The following TAF1B variants were observed in gnomAD, a reference collection of about 807,000 sequenced individuals.
TAF1B encodes TATA box-binding protein-associated factor RNA polymerase I subunit B.
In TAF1B, 61 loss-of-function variants were observed where a neutral mutation model predicts 83.9. That is an observed-to-expected ratio of 0.73 (90% CI 0.59 to 0.90). The LOEUF (loss-of-function observed/expected upper bound fraction) is 0.90, where lower values mean the gene tolerates loss of function less well. Ranked by LOEUF, TAF1B falls within the 40% of genes least tolerant of loss-of-function variation. The pLI is 0.00. For missense variants in TAF1B, 625 were observed against 677.0 expected, an observed-to-expected ratio of 0.92 and a Z score of 0.85; for synonymous variants, 221 against 224.6, an observed-to-expected ratio of 0.98 and a Z score of 0.14.
At chr2:9,868,219 A>T in intron 5 of TAF1B, 57 bp from the exon 6 acceptor site, 1 of 1,582,518 alleles carries the variant, frequency 6.3e-7, no homozygotes, top group Non-Finnish European at 8.6e-7. Context: ...AAGTTCACAG[A>T]AATTAACTGT....
intron 3 of TAF1B, 85 bp from the exon 4 acceptor site, chr2:9,851,456 G>A (rs1190898536): frequency 1.3e-5 from 14 of 1,069,034 alleles, no homozygotes; most frequent in Non-Finnish European, 1.9e-5. Flanking sequence ...AAGTCGCAAT[G>A]TGTAAAACAC....
chr2:9,926,804 CAAAAA>C (rs71391175), intron 14 of TAF1B, among the ~76,000 whole-genome samples: 3 of 104,812 alleles, frequency 2.9e-5, no homozygotes, highest in Middle Eastern at 4.5e-3. Flanking sequence ...GACTCTGTCT[CAAAAA>C]AAAAAAAAAA....
intron 8 of TAF1B, among the ~76,000 whole-genome samples, chr2:9,897,423 C>T (rs1397635387): frequency 6.6e-6 from 1 of 152,198 alleles, no homozygotes; most frequent in Non-Finnish European, 1.5e-5. Context: ...TTCATCATCC[C>T]TCACTAGACG....
chr2:9,859,575 A>T (rs1489297266), intron 5 of TAF1B, among the ~76,000 whole-genome samples: 1 of 152,056 alleles, frequency 6.6e-6, no homozygotes, highest in South Asian at 2.1e-4. Flanking sequence ...TTTAATACAG[A>T]TGGGGTTTCA....
intron 14 of TAF1B, among the ~76,000 whole-genome samples, chr2:9,931,262 T>C (rs529144121): frequency 6.6e-6 from 1 of 152,368 alleles, no homozygotes; most frequent in African/African-American, 2.4e-5. Flanking sequence ...CTTCCTAGCC[T>C]TGATGGTCTT....
intron 5 of TAF1B, among the ~76,000 whole-genome samples, chr2:9,858,250 A>G (rs1162662378): frequency 1.3e-5 from 2 of 152,254 alleles, no homozygotes; most frequent in African/African-American, 2.4e-5. Context: ...CCAGCAGGGC[A>G]TTCACTAAAT....
intron 5 of TAF1B, among the ~76,000 whole-genome samples, chr2:9,861,151 T>A (rs368829354): frequency 6.6e-6 from 1 of 152,324 alleles, no homozygotes; most frequent in Non-Finnish European, 1.5e-5. Context: ...GGGCGAGGCA[T>A]CGCCTCACCC....
In TAF1B at chr2:9,849,450, A is replaced by T; in HGVS notation, c.195A>T (p.Lys65Asn). The T allele has an allele frequency of 6.4e-7, 1 of 1,563,658 alleles. No individual in the cohort carries two copies. The highest frequency in any genetic ancestry group is 8.6e-7 in the Non-Finnish European group (1 of 1,158,254). ...IKALNRGLKK[K>N]NNTEKGWDWY... The stretch of plus-strand genomic sequence containing the variant: ...CCCTCAACCGGGGGCTTAAAAAAAA[A>T]AACAATACTGGTAAGTTCTTTCTTC... The change falls in exon 3 of 15, where the codon AAA becomes AAT. Residue 65 changes from lysine (K) to asparagine (N), a missense_variant. By Grantham distance (94) the Lys-to-Asn change is moderately conservative. Transcript: ENST00000263663.
chr2:9,930,205 T>C (rs1317674523), intron 14 of TAF1B, among the ~76,000 whole-genome samples: 1 of 152,200 alleles, frequency 6.6e-6, no homozygotes, highest in African/African-American at 2.4e-5. Flanking sequence ...TAGTTATGTC[T>C]TGCCTTCTGC....
intron 8 of TAF1B, among the ~76,000 whole-genome samples, chr2:9,890,674 A>T (rs1432170536): frequency 6.6e-6 from 1 of 152,168 alleles, no homozygotes; most frequent in Non-Finnish European, 1.5e-5. Context: ...TGATATTTTG[A>T]GATATGTTTA....
intron 1 of TAF1B, 57 bp downstream of exon 1, chr2:9,843,616 C>T: frequency 6.9e-7 from 1 of 1,444,158 alleles, no homozygotes; most frequent in Non-Finnish European, 9.1e-7. Flanking sequence ...GAGAGAGAAG[C>T]TGAGGAGGAG....
intron 1 of TAF1B, chr2:9,843,814 T>C: frequency 2.3e-6 from 1 of 436,752 alleles, no homozygotes; most frequent in Non-Finnish European, 4.1e-6. Context: ...TCGTTATGGG[T>C]GTGTTTAAGG....
intron 5 of TAF1B, 121 bp downstream of exon 5, chr2:9,854,542 T>A: frequency 2.9e-6 from 2 of 690,472 alleles, no homozygotes; most frequent in Non-Finnish European, 5.0e-6. Flanking sequence ...GATTTTCAGT[T>A]AAGAGGCTTC....
At chr2:9,883,284 TTGATTA>T (rs1351773504) in intron 8 of TAF1B, among the ~76,000 whole-genome samples, 5 of 152,212 alleles carry the variant, frequency 3.3e-5, no homozygotes, top group African/African-American at 1.2e-4. Flanking sequence ...TTTCTGTCCT[TTGATTA>T]TGAGTTTGTG....
At chr2:9,876,820 A>G (rs1664334132) in intron 7 of TAF1B, among the ~76,000 whole-genome samples, 1 of 152,156 alleles carries the variant, frequency 6.6e-6, no homozygotes, top group Non-Finnish European at 1.5e-5. Context: ...TAACTACCTC[A>G]TAGGGTTGTA....
chr2:9,912,406 T>C (rs1665560018), intron 11 of TAF1B, among the ~76,000 whole-genome samples: 1 of 152,186 alleles, frequency 6.6e-6, no homozygotes, highest in African/African-American at 2.4e-5. Flanking sequence ...TTCATTGGTT[T>C]TAGAGGCTTG....
intron 8 of TAF1B, among the ~76,000 whole-genome samples, chr2:9,887,746 T>A (rs1664724657): frequency 6.6e-6 from 1 of 152,196 alleles, no homozygotes; most frequent in Non-Finnish European, 1.5e-5. Flanking sequence ...TCAGTATAGT[T>A]GGGTTTGAAT....
At chr2:9,844,085 A>G (rs1395655304) in intron 1 of TAF1B, among the ~76,000 whole-genome samples, 1 of 152,184 alleles carries the variant, frequency 6.6e-6, no homozygotes, top group Non-Finnish European at 1.5e-5. Flanking sequence ...TGAACACTTT[A>G]CCAAGTTGCC....
chr2:9,869,332 C>T (rs1289615039), intron 6 of TAF1B, among the ~76,000 whole-genome samples: 1 of 151,936 alleles, frequency 6.6e-6, no homozygotes, highest in Non-Finnish European at 1.5e-5. Context: ...TCACGTGATT[C>T]TCCTACCTCA....
Sources: gnomAD v4.1 joint callset for allele counts (sites outside exome capture counted in the v4.1 genomes callset) on GRCh38, gnomAD v4.1.1 for gene constraint, MANE v1.5 for transcripts, NCBI Gene and HGNC (gene_info 2026-07-23, HGNC 2026-07-21) for gene names.